The following BOP1 variants were observed in gnomAD, a reference collection of about 807,000 sequenced individuals.
The protein encoded by BOP1 is BOP1 ribosomal biogenesis factor, also known as ribosome biogenesis protein BOP1.
Under a neutral mutation model 82.9 loss-of-function variants are expected in BOP1, and 54 were observed. The ratio of observed to expected loss-of-function variants is 0.65; its 90% CI spans 0.52 to 0.82. The LOEUF (loss-of-function observed/expected upper bound fraction) is 0.82, where lower values mean the gene tolerates loss of function less well. BOP1 is among the 40% of genes least tolerant of loss of function. BOP1 has a pLI of 0.00. For missense variants in BOP1, 1,170 were observed against 1,072.0 expected, an observed-to-expected ratio of 1.09 and a Z score of -1.28; for synonymous variants, 566 against 451.1, an observed-to-expected ratio of 1.25 and a Z score of -3.23.
In BOP1 at chr8:144,262,246, C is replaced by T; in HGVS notation, c.2159G>A (p.Gly720Glu). 1.2e-6 allele frequency: 2 copies of T among 1,612,762 alleles called. No homozygotes were observed. The highest frequency in any genetic ancestry group is 1.7e-6 in the Non-Finnish European group (2 of 1,179,796). The change falls in exon 16 of 16, where the codon GGA becomes GAA. Residue 720 changes from glycine (G) to glutamate (E), a missense_variant. By Grantham distance (98) the Gly-to-Glu change is moderately conservative (BLOSUM62 -2). Coordinates refer to ENST00000569669, the MANE Select transcript of BOP1 (RefSeq NM_015201.5). ...LKGHVLTRDL[G>E]VLDVIFHPTQ... is the part of the protein sequence containing the mutation. ...GGGGTGGAAGATGACGTCCAGCACT[C>T]CCAGATCTCGGGTCAGCACGTGTCC...
chr8:144,288,746 C>A (rs1814954801), intron 2 of BOP1, among the ~76,000 whole-genome samples: 1 of 152,148 alleles, frequency 6.6e-6, no homozygotes, highest in Non-Finnish European at 1.5e-5. Flanking sequence ...CCTGCTTGAG[C>A]CCTGCCATGC....
chr8:144,272,729 C>A (rs896005184), intron 3 of BOP1, among the ~76,000 whole-genome samples: 1 of 152,262 alleles, frequency 6.6e-6, no homozygotes, highest in South Asian at 2.1e-4. Flanking sequence ...CTGCTTCATC[C>A]GAGAGCCCAG....
chr8:144,291,422 G>C lies in BOP1; in HGVS notation c.-52C>G, dbSNP rs1815073556. The C allele has an allele frequency of 9.3e-7, 1 of 1,075,186 alleles. No individual in the cohort carries two copies. The highest frequency in any genetic ancestry group is 1.1e-6 in the Non-Finnish European group (1 of 881,200). The allele number at this position is 1,075,186 out of a possible 1,614,324, so 66.6% of individuals were successfully genotyped here. On this transcript the variant is annotated 5_prime_UTR_variant, in exon 1 of 16. Coordinates refer to ENST00000569669, the MANE Select transcript of BOP1 (RefSeq NM_015201.5). This position sits in a 1 kb window ranked among gnomAD's most constrained non-coding sequence, Gnocchi z 4.1. ...GCACAGCCGCTTCCGACAGCGACCGGGCCGCGTGCGCAGGAGGACGCGCCC... is the reference window on the plus strand; with the variant it reads ...GCACAGCCGCTTCCGACAGCGACCGCGCCGCGTGCGCAGGAGGACGCGCCC...
intron 2 of BOP1, among the ~76,000 whole-genome samples, chr8:144,286,724 C>A (rs1205615155): frequency 1.3e-5 from 2 of 152,214 alleles, no homozygotes; most frequent in Non-Finnish European, 2.9e-5. Context: ...CTCTGAGGAC[C>A]GCCCCACCAG....
chr8:144,262,536 C>T lies in BOP1; in HGVS notation c.1980-33G>A, dbSNP rs1005597025. On this transcript the variant is annotated intron_variant, in intron 14 of 15. Coordinates refer to ENST00000569669, the MANE Select transcript of BOP1 (RefSeq NM_015201.5). ...GAGGGAACCAGGTTGAAGGCAGGCTCGGGCTGAAGGGAGGGGCTCTGCTGG... is the reference window on the plus strand; with the variant it reads ...GAGGGAACCAGGTTGAAGGCAGGCTTGGGCTGAAGGGAGGGGCTCTGCTGG... 6.7e-5 allele frequency: 108 copies of T among 1,612,866 alleles called. No individual in the cohort carries two copies. The African/African-American group carries it at 1.2e-3, about 18-fold the overall frequency.
Position 144,264,989 on chromosome 8 carries a change from C to A in BOP1, c.473G>T (p.Arg158Leu). The A allele has an allele frequency of 6.2e-7, 1 of 1,612,416 alleles. No individual in the cohort carries two copies. Among genetic ancestry groups the A allele is most frequent in the South Asian group, 1.1e-5 (1 of 91,070 alleles). The change falls in exon 4 of 16, where the codon CGC becomes CTC. Residue 158 changes from arginine (R) to leucine (L), a missense_variant. Arg to Leu is a moderately radical substitution (Grantham distance 102, BLOSUM62 -2). Transcript: ENST00000569669. Reference sequence around the variant, plus strand: ...CCGGGTCCGCAGGGGCTTGTAGATGCGCCTGCCATCCAGGTCGTAGCCCAC... The same window carrying A: ...CCGGGTCCGCAGGGGCTTGTAGATGAGCCTGCCATCCAGGTCGTAGCCCAC... The part of the protein sequence containing the change: ...PHVGYDLDGR[R>L]IYKPLRTRDE...
Position 144,262,407 on chromosome 8 carries a change from G to A in BOP1, c.2076C>T (p.Gly692=), listed in dbSNP as rs1231453197. 1 of 1,612,670 alleles carries A rather than the reference G, an allele frequency of 6.2e-7. No individual in the cohort carries two copies. Among genetic ancestry groups the A allele is most frequent in the Non-Finnish European group, 8.5e-7 (1 of 1,179,824 alleles). Residue 692 remains glycine (G), a synonymous_variant, in exon 15 of 16, where the codon GGC becomes GGT. Coordinates refer to ENST00000569669, the MANE Select transcript of BOP1 (RefSeq NM_015201.5). ...GGGTCAGCACTCACTTGTACACCATGCCATGGCAGACGATGACACTGCCGT... is the reference window on the plus strand; with the variant it reads ...GGGTCAGCACTCACTTGTACACCATACCATGGCAGACGATGACACTGCCGT... The part of the protein sequence containing the change: ...SDDGSVIVCH[G]MVYNDLLQNP...
At chr8:144,266,533 CGGCCCGCGA>C (rs1204516697) in intron 3 of BOP1, 40 of 992,706 alleles carry the variant, frequency 4.0e-5, no homozygotes, top group Admixed American at 1.8e-4. Context: ...TCGCCCCGGC[CGGCCCGCGA>C]GGCCCGCGGC....
intron 2 of BOP1, among the ~76,000 whole-genome samples, chr8:144,277,263 C>T (rs954160142): frequency 6.6e-6 from 1 of 151,978 alleles, no homozygotes; most frequent in Non-Finnish European, 1.5e-5. Flanking sequence ...TTTTCCCAGG[C>T]CAGGAACAAG....
intron 2 of BOP1, among the ~76,000 whole-genome samples, chr8:144,278,009 C>G: frequency 6.6e-6 from 1 of 152,190 alleles, no homozygotes; most frequent in Non-Finnish European, 1.5e-5. Context: ...GGGACAGGAC[C>G]CCCTCCCGCC....
intron 3 of BOP1, among the ~76,000 whole-genome samples, chr8:144,267,923 ACAATTT>A (rs1326896339): frequency 6.6e-6 from 1 of 152,198 alleles, no homozygotes; most frequent in Non-Finnish European, 1.5e-5. Context: ...ATTTAATTTT[ACAATTT>A]CGGCTGTGCA....
Position 144,276,221 on chromosome 8 carries a change from T to C in BOP1, c.390+3A>G, listed in dbSNP as rs1845565953. 19 of 1,612,992 alleles carry C rather than the reference T, an allele frequency of 1.2e-5. No homozygotes were observed. The highest frequency in any genetic ancestry group is 8.5e-7 in the Non-Finnish European group (1 of 1,179,760). On this transcript the variant is annotated splice_donor_region_variant and intron_variant, in intron 3 of 15. Coordinates refer to ENST00000569669, the MANE Select transcript of BOP1 (RefSeq NM_015201.5). Reference sequence around the variant, plus strand: ...GCCCAGTGGGAAGCAGCCCCAGTCCTACCTCCTCATCAGAGCTGTCCTCCG... The same window carrying C: ...GCCCAGTGGGAAGCAGCCCCAGTCCCACCTCCTCATCAGAGCTGTCCTCCG...
At chr8:144,281,118 A>ACTTTCATACCAG (rs1845670432) in intron 2 of BOP1, among the ~76,000 whole-genome samples, 2 of 144,530 alleles carry the variant, frequency 1.4e-5, no homozygotes, top group African/African-American at 5.1e-5. Flanking sequence ...GCCTTCTCTC[A>ACTTTCATACCAG]GTTTAATACC....
At chr8:144,279,312 C>T (rs1312761962) in intron 2 of BOP1, among the ~76,000 whole-genome samples, 1 of 149,878 alleles carries the variant, frequency 6.7e-6, no homozygotes, top group Non-Finnish European at 1.5e-5. Flanking sequence ...CACCATGGGC[C>T]CTGACGATCA....
chr8:144,281,405 TCGGCCTTCTCTC>T (rs1554838891), intron 2 of BOP1, among the ~76,000 whole-genome samples: 1 of 4,334 alleles, frequency 2.3e-4, no homozygotes. Flanking sequence ...TACCAGGTCT[TCGGCCTTCTCTC>T]ACTTTCATAC....
At chr8:144,289,487 C>T (rs1265938655) in intron 1 of BOP1, among the ~76,000 whole-genome samples, 183 bp from the exon 2 acceptor site, 3 of 152,250 alleles carry the variant, frequency 2.0e-5, no homozygotes, top group Non-Finnish European at 4.4e-5. Context: ...CCTTCCTCAT[C>T]TTCTACCTCC....
chr8:144,272,855 G>C (rs911772198), intron 3 of BOP1, among the ~76,000 whole-genome samples: 2 of 152,312 alleles, frequency 1.3e-5, no homozygotes, highest in South Asian at 4.1e-4. Context: ...CCTTCAAGCC[G>C]GCCAAGGGGC....
At chr8:144,268,446 T>C (rs1845432366) in intron 3 of BOP1, 1 of 545,016 alleles carries the variant, frequency 1.8e-6, no homozygotes. Context: ...AGTCTGAAAA[T>C]TTTGTATAAT....
At chr8:144,281,661 A>C (rs1436849231) in intron 2 of BOP1, 1 of 150,242 alleles carries the variant, frequency 6.7e-6, no homozygotes, top group African/African-American at 2.5e-5. Context: ...TTCTCTTACT[A>C]GTGCTTTTTT....
Sources: gnomAD v4.1 joint callset for allele counts (sites outside exome capture counted in the v4.1 genomes callset) on GRCh38, gnomAD v4.1.1 for gene constraint, Gnocchi (gnomAD v3.1) non-coding constraint, MANE v1.5 for transcripts, NCBI Gene and HGNC (gene_info 2026-07-23, HGNC 2026-07-21) for gene names.